Variants in STON1 observed in about 807,000 individuals in gnomAD.
The protein encoded by STON1 is stonin 1.
STON1 carries 79 observed loss-of-function variants against 60.9 expected under a neutral mutation model. The observed-to-expected ratio is 1.30, with a 90% CI of 1.08 to 1.56. The LOEUF (loss-of-function observed/expected upper bound fraction) is 1.56, where lower values mean the gene tolerates loss of function less well. Ranked by LOEUF, STON1 falls within the 40% of genes most tolerant of loss-of-function variation. STON1 has a pLI of 0.00. For missense variants in STON1, 1,166 were observed against 858.9 expected, an observed-to-expected ratio of 1.36 and a Z score of -4.47; for synonymous variants, 363 against 306.9, an observed-to-expected ratio of 1.18 and a Z score of -1.91.
At chr2:48,551,861 A>G (rs544361401) in intron 1 of STON1, among the ~76,000 whole-genome samples, 1 of 152,236 alleles carries the variant, frequency 6.6e-6, no homozygotes, top group Non-Finnish European at 1.5e-5. Context: ...CTCCCAGCCT[A>G]GAGACCTGAG....
intron 1 of STON1, among the ~76,000 whole-genome samples, chr2:48,552,436 A>T (rs1672143086): frequency 6.6e-6 from 1 of 152,140 alleles, no homozygotes; most frequent in Non-Finnish European, 1.5e-5. Context: ...TGATGGTTAC[A>T]CAACAATGTG....
Position 48,597,777 on chromosome 2 carries a change from G to T in STON1, c.*2475G>T, listed in dbSNP as rs1027892362. The T allele has an allele frequency of 2.0e-5, 3 of 152,550 alleles. No individual in the cohort carries two copies. The highest frequency in any genetic ancestry group is 7.2e-5 in the African/African-American group (3 of 41,440). 9.4% of individuals were successfully genotyped at this position (152,550 alleles called of 1,614,324 possible). On this transcript the variant is annotated 3_prime_UTR_variant, in exon 4 of 4. Coordinates refer to ENST00000404752, the MANE Select transcript of STON1 (RefSeq NM_006873.4). ...TTACTTAATGTTAAATTAACATTCTGTGTAGGGAGGGGAGGCTTATTCAAT... is the reference window on the plus strand; with the variant it reads ...TTACTTAATGTTAAATTAACATTCTTTGTAGGGAGGGGAGGCTTATTCAAT...
At chr2:48,532,309 A>G (rs1192534471) in intron 1 of STON1, among the ~76,000 whole-genome samples, 2 of 151,772 alleles carry the variant, frequency 1.3e-5, no homozygotes, top group African/African-American at 4.8e-5. Flanking sequence ...AGATTACACC[A>G]CTGCACTCCA....
At chr2:48,578,496 C>T (rs1673656476) in intron 1 of STON1, among the ~76,000 whole-genome samples, 1 of 149,068 alleles carries the variant, frequency 6.7e-6, no homozygotes, top group Non-Finnish European at 1.5e-5. Flanking sequence ...AATTCTAATT[C>T]TCCTTTTTCT....
chr2:48,570,087 C>T (rs377589337), intron 1 of STON1, among the ~76,000 whole-genome samples: 11 of 152,306 alleles, frequency 7.2e-5, no homozygotes, highest in Admixed American at 1.3e-4. Flanking sequence ...GTAATCCCAG[C>T]GCATTGGGAG....
intron 2 of STON1, among the ~76,000 whole-genome samples, chr2:48,585,355 C>G (rs1170719921): frequency 6.6e-6 from 1 of 151,998 alleles, no homozygotes; most frequent in Non-Finnish European, 1.5e-5. Context: ...TCAAGCAATT[C>G]TAGTGGCTCA....
intron 1 of STON1, among the ~76,000 whole-genome samples, chr2:48,540,377 G>GACTCT (rs1382833536): frequency 6.6e-6 from 1 of 152,124 alleles, no homozygotes; most frequent in East Asian, 1.9e-4. Context: ...CCCAAGGCAG[G>GACTCT]ACTCTAATGT....
Position 48,564,633 on chromosome 2 carries a change from T to C in STON1, c.-47-15954T>C, listed in dbSNP as rs200163324. The stretch of plus-strand genomic sequence containing the variant: ...CCTTCTCCTTCTCCTTCTCCTTCTC[T>C]TTCTCCTTCTCCTTCTTCTTCTTCT... On this transcript the variant is annotated intron_variant, in intron 1 of 3. Coordinates refer to ENST00000404752, the MANE Select transcript of STON1 (RefSeq NM_006873.4). Among the ~76,000 whole-genome samples the C allele has an allele frequency of 4.0e-3, 228 of 56,340 alleles. 23 individuals are homozygous for C. Among genetic ancestry groups the C allele is most frequent in the African/African-American group, 7.6e-3 (110 of 14,406 alleles). The allele number at this position is 56,340 out of a possible 152,430, so 37.0% of individuals were successfully genotyped here.
chr2:48,577,604 C>T (rs933607148), intron 1 of STON1, among the ~76,000 whole-genome samples: 1 of 150,162 alleles, frequency 6.7e-6, no homozygotes, highest in Non-Finnish European at 1.5e-5. Context: ...GAAAAAAAAA[C>T]AGGTTTTTTT....
At chr2:48,542,827 C>T (rs1051511500) in intron 1 of STON1, among the ~76,000 whole-genome samples, 11 of 151,754 alleles carry the variant, frequency 7.2e-5, no homozygotes, top group Admixed American at 3.3e-4. Flanking sequence ...TTGCTTGAGC[C>T]GGGGAGGTTG....
In STON1 at chr2:48,597,623, T is replaced by C. The variant is rs1005739886; in HGVS notation, c.*2321T>C. 1.3e-5 allele frequency: 2 copies of C among 152,578 alleles called. No individual in the cohort carries two copies. The highest frequency in any genetic ancestry group is 6.5e-5 in the Admixed American group (1 of 15,272). 9.5% of individuals were successfully genotyped at this position (152,578 alleles called of 1,614,324 possible). ...ACATCTCAAGATTCAGTCTTGACAA[T>C]ATAATAGCAAAAGCTGGACTAAAGC... is the stretch of plus-strand genomic sequence containing the variant. On this transcript the variant is annotated 3_prime_UTR_variant, in exon 4 of 4. Coordinates refer to ENST00000404752, the MANE Select transcript of STON1 (RefSeq NM_006873.4).
intron 3 of STON1, 32 bp downstream of exon 3, chr2:48,591,887 G>A (rs374051572): frequency 3.4e-5 from 55 of 1,606,490 alleles, no homozygotes; most frequent in South Asian, 1.1e-4. Context: ...ACTGTGACCT[G>A]ATTTGGCTTT....
chr2:48,560,185 C>T (rs72822300), intron 1 of STON1, among the ~76,000 whole-genome samples: 15,512 of 152,192 alleles, frequency 0.1, 1,095 homozygotes, highest in Middle Eastern at 0.2. Flanking sequence ...TTTAAACTTC[C>T]AGGACTTTCT....
chr2:48,552,011 G>A (rs766216901), intron 1 of STON1, among the ~76,000 whole-genome samples: 20 of 152,218 alleles, frequency 1.3e-4, no homozygotes, highest in African/African-American at 3.1e-4. Context: ...GACATCTGCC[G>A]TGGGAACCCA....
At chr2:48,546,934 TG>T (rs1671886388) in intron 1 of STON1, among the ~76,000 whole-genome samples, 1 of 152,194 alleles carries the variant, frequency 6.6e-6, no homozygotes, top group Non-Finnish European at 1.5e-5. Context: ...TAGATCCCAA[TG>T]GGCAGCTTAC....
intron 1 of STON1, among the ~76,000 whole-genome samples, chr2:48,548,057 G>A (rs1375639508): frequency 6.6e-6 from 1 of 152,184 alleles, no homozygotes; most frequent in Non-Finnish European, 1.5e-5. Flanking sequence ...TGATGTCCTG[G>A]TGACCAGCCT....
chr2:48,598,434 G>A lies in STON1; in HGVS notation c.*3132G>A, dbSNP rs1558660915. ...ATTCTGTCAATGCAAATATAAGACA[G>A]GTTGAGCCTTAATCATGTAACAAAA... On this transcript the variant is annotated 3_prime_UTR_variant, in exon 4 of 4. Transcript: ENST00000404752. 1 of 152,592 alleles carries A rather than the reference G, an allele frequency of 6.6e-6. No individual in the cohort carries two copies. The highest frequency in any genetic ancestry group is 1.5e-5 in the Non-Finnish European group (1 of 68,036). 9.5% of individuals were successfully genotyped at this position (152,592 alleles called of 1,614,324 possible).
intron 1 of STON1, among the ~76,000 whole-genome samples, chr2:48,572,049 G>C (rs1673237033): frequency 6.6e-6 from 1 of 152,100 alleles, no homozygotes; most frequent in Non-Finnish European, 1.5e-5. Flanking sequence ...TGTAATCCCA[G>C]CTACTCGGGA....
intron 3 of STON1, among the ~76,000 whole-genome samples, chr2:48,592,823 C>T (rs1268145289): frequency 6.6e-6 from 1 of 151,940 alleles, no homozygotes; most frequent in Admixed American, 6.6e-5. Flanking sequence ...CTATGTTGGT[C>T]AGGCTGGTCT....
Sources: allele counts gnomAD v4.1 joint callset (sites outside exome capture counted in the v4.1 genomes callset), GRCh38; gene constraint gnomAD v4.1.1; transcripts MANE v1.5; gene names NCBI Gene and HGNC (gene_info 2026-07-23, HGNC 2026-07-21).